GGA2: variants seen among roughly 807,000 people sequenced by gnomAD.
GGA2 encodes the protein ADP-ribosylation factor-binding protein GGA2.
Under a neutral mutation model 79.5 loss-of-function variants are expected in GGA2, and 48 were observed. The ratio of observed to expected loss-of-function variants is 0.60; its 90% confidence interval spans 0.48 to 0.77. The LOEUF (loss-of-function observed/expected upper bound fraction) is 0.77, where lower values mean the gene tolerates loss of function less well. GGA2 is among the 30% of genes least tolerant of loss of function. GGA2 has a pLI of 0.00. For missense variants in GGA2, 770 were observed against 774.0 expected, an observed-to-expected ratio of 0.99 and a Z score of 0.06; for synonymous variants, 317 against 302.0, an observed-to-expected ratio of 1.05 and a Z score of -0.51.
chr16:23,473,330 C>CT (rs34972165), intron 14 of GGA2, among the ~76,000 whole-genome samples: 4,750 of 70,408 alleles, frequency 0.067, 1,295 homozygotes, highest in South Asian at 0.12. Flanking sequence ...CTTTTCTAGT[C>CT]TTTTTTTTTT....
At chr16:23,488,436 T>C (rs773258066) in intron 6 of GGA2, among the ~76,000 whole-genome samples, 170 bp downstream of exon 6, 2 of 152,160 alleles carry the variant, frequency 1.3e-5, no homozygotes, top group African/African-American at 2.4e-5. Flanking sequence ...AGTTGACTTA[T>C]CCATGAAGAA....
At chr16:23,515,985 C>G (rs1260571814) in intron 2 of GGA2, among the ~76,000 whole-genome samples, 2 of 149,502 alleles carry the variant, frequency 1.3e-5, no homozygotes, top group African/African-American at 5.0e-5. Context: ...ATTACAATTA[C>G]AGGCATAAGC....
At chr16:23,501,154 A>G (rs2142139931) in intron 1 of GGA2, 1 of 434,802 alleles carries the variant, frequency 2.3e-6, no homozygotes, top group South Asian at 1.6e-5. Context: ...GATCCCAAAC[A>G]CAACTGTACT....
chr16:23,491,777 T>C lies in GGA2; in HGVS notation c.375A>G (p.Gly125=). 1 of 1,612,620 alleles carries C rather than the reference T, an allele frequency of 6.2e-7. No individual in the cohort carries two copies. Among genetic ancestry groups the C allele is most frequent in the Non-Finnish European group, 8.5e-7 (1 of 1,178,716 alleles). ...SPKYLGSWAT[G]KVKGRVIEIL... The stretch of plus-strand genomic sequence containing the variant: ...TTTCAATGACTCTTCCTTTAACTTT[T>C]CCTGTGGCCCAGGACCCCAGGTACT... Residue 125 remains glycine (G), a synonymous_variant, in exon 5 of 17, where the codon GGA becomes GGG. Transcript: ENST00000309859.
intron 15 of GGA2, among the ~76,000 whole-genome samples, chr16:23,469,767 CAA>C (rs1964486393): frequency 6.6e-6 from 1 of 152,168 alleles, no homozygotes. Flanking sequence ...AAAGCAGAGT[CAA>C]GAGATACAGA....
At chr16:23,496,124 A>T (rs927718436) in intron 1 of GGA2, among the ~76,000 whole-genome samples, 1 of 151,846 alleles carries the variant, frequency 6.6e-6, no homozygotes, top group Non-Finnish European at 1.5e-5. Context: ...AACATGATGA[A>T]ACCCCATCTC....
At chr16:23,489,609 A>G (rs1184607856) in intron 5 of GGA2, among the ~76,000 whole-genome samples, 1 of 152,172 alleles carries the variant, frequency 6.6e-6, no homozygotes, top group African/African-American at 2.4e-5. Context: ...AAATCTAAGG[A>G]AAAAAACAAC....
chr16:23,467,728 A>C (rs373329210), intron 16 of GGA2, 28 bp from the exon 17 acceptor site: 5 of 1,177,226 alleles, frequency 4.2e-6, no homozygotes, highest in South Asian at 2.4e-5. Flanking sequence ...GAAGATGTCA[A>C]ATCAGTGGAG....
At chr16:23,499,906 G>A (rs1263894694) in intron 1 of GGA2, among the ~76,000 whole-genome samples, 2 of 152,190 alleles carry the variant, frequency 1.3e-5, no homozygotes, top group African/African-American at 4.8e-5. Flanking sequence ...TGAACCACGT[G>A]CCTAGGCTCC....
chr16:23,507,623 C>T (rs1964987916), intron 1 of GGA2, among the ~76,000 whole-genome samples: 1 of 144,686 alleles, frequency 6.9e-6, no homozygotes, highest in Admixed American at 7.0e-5. Context: ...GAAACTCCAT[C>T]TCTCTCTCTC....
chr16:23,512,887 T>C (rs1019236707), upstream of GGA2, among the ~76,000 whole-genome samples: 31 of 151,902 alleles, frequency 2.0e-4, no homozygotes, highest in African/African-American at 9.7e-5. Context: ...GTATCTTTAG[T>C]AGAGACAGCG....
upstream of GGA2, among the ~76,000 whole-genome samples, chr16:23,512,345 G>A (rs1406776514): frequency 6.6e-6 from 1 of 152,184 alleles, no homozygotes; most frequent in Non-Finnish European, 1.5e-5. Context: ...CGTTCCACAG[G>A]ATGGGGCCAA....
rs776158618 is a variant in GGA2 at position 23,468,893 on chromosome 16, G to T, written c.1724C>A (p.Pro575Gln). ...ACAGACACTGGAACATACTTTGTGT[G>T]GATTGTCAAGCAGCAGCATCTGAGA... ...VISQMLLLDN[P>Q]HKEPIRLRYK... is the part of the protein sequence containing the mutation. Residue 575 changes from proline to glutamine, a missense_variant, in exon 16 of 17, where the codon CCA becomes CAA. Physicochemically the swap from Pro to Gln is moderately conservative, Grantham distance 76 (BLOSUM62 -1). Coordinates refer to ENST00000309859, the MANE Select transcript of GGA2 (RefSeq NM_015044.4). 8 of 1,590,830 alleles carry T rather than the reference G, an allele frequency of 5.0e-6. No homozygotes were observed. Among genetic ancestry groups the T allele is most frequent in the Non-Finnish European group, 6.9e-6 (8 of 1,158,912 alleles).
At chr16:23,520,670 A>AG (rs1480418839) in intron 1 of GGA2, among the ~76,000 whole-genome samples, 2 of 151,958 alleles carry the variant, frequency 1.3e-5, no homozygotes, top group African/African-American at 4.8e-5. Context: ...AAAAAAAAAA[A>AG]AAAGTCTTAC....
intron 15 of GGA2, 70 bp downstream of exon 15, chr16:23,469,926 A>T: frequency 8.8e-7 from 1 of 1,142,368 alleles, no homozygotes; most frequent in Non-Finnish European, 1.2e-6. Context: ...CTCGACAGGT[A>T]AGTCCCAGAA....
upstream of GGA2, chr16:23,522,077 A>G (rs8046938): frequency 6.0e-3 from 1,845 of 309,890 alleles, 31 homozygotes; most frequent in African/African-American, 0.037. Flanking sequence ...ATTATCTGAC[A>G]CCTGGGAGAG....
intron 1 of GGA2, among the ~76,000 whole-genome samples, chr16:23,505,982 T>TA (rs1964970255): frequency 6.6e-6 from 1 of 152,182 alleles, no homozygotes; most frequent in Admixed American, 6.5e-5. Flanking sequence ...CTTGCAGCTA[T>TA]AAAAGCCTAA....
At chr16:23,496,944 G>A (rs1365245539) in intron 1 of GGA2, among the ~76,000 whole-genome samples, 7 of 145,654 alleles carry the variant, frequency 4.8e-5, no homozygotes, top group African/African-American at 7.8e-5. Context: ...GCAACAGAGC[G>A]AGACTCCATC....
intron 13 of GGA2, among the ~76,000 whole-genome samples, chr16:23,476,066 G>A (rs1964573701): frequency 6.6e-6 from 1 of 152,198 alleles, no homozygotes. Flanking sequence ...AGCTCAGTCA[G>A]GTTGTTTCCC....
Sources: gnomAD v4.1 joint callset for allele counts (sites outside exome capture counted in the v4.1 genomes callset) on GRCh38, gnomAD v4.1.1 for gene constraint, MANE v1.5 for transcripts, NCBI Gene and HGNC (gene_info 2026-07-23, HGNC 2026-07-21) for gene names.